The following MAPT variants were observed in gnomAD, a reference collection of about 807,000 sequenced individuals.
MAPT encodes the protein microtubule associated protein tau, also known as microtubule-associated protein tau.
MAPT carries 34 observed loss-of-function variants against 67.9 expected under a neutral mutation model. That is an observed-to-expected ratio of 0.50 (90% CI 0.38 to 0.67). MAPT has a LOEUF of 0.67. Among genes scored for constraint, MAPT ranks in the 30% least tolerant of loss-of-function variants. The pLI is 0.00. For synonymous variants in MAPT, 456 were observed against 464.5 expected, an observed-to-expected ratio of 0.98 and a Z score of 0.23; for missense variants, 881 against 1,115.2, an observed-to-expected ratio of 0.79 and a Z score of 2.99.
At chr17:45,984,376 TGCCGAAG>T (rs1305787007) in intron 5 of MAPT, among the ~76,000 whole-genome samples, 1 of 152,238 alleles carries the variant, frequency 6.6e-6, no homozygotes, top group African/African-American at 2.4e-5. Flanking sequence ...TACAGTAACT[TGCCGAAG>T]GCCAATGAGT....
Position 46,025,567 on chromosome 17 carries a change from T to C in MAPT, c.*1396T>C, listed in dbSNP as rs16940799. 0.14 allele frequency: 21,710 copies of C among 152,768 alleles called. 2,124 individuals are homozygous for C. The highest frequency in any genetic ancestry group is 0.22 in the Non-Finnish European group (14,733 of 68,050). 9.5% of individuals were successfully genotyped at this position (152,768 alleles called of 1,614,324 possible). A position where few individuals can be genotyped will look rare whatever the true frequency, so the allele number is the denominator to read the frequency against. On this transcript the variant is annotated 3_prime_UTR_variant, in exon 13 of 13. Transcript: ENST00000262410. ...ACTGGGACCCTCACCACGAATCTCA[T>C]GATCTGATTCGGTTCCCTGTCTCCT...
chr17:45,923,151 A>AG (rs2065921799), intron 1 of MAPT, among the ~76,000 whole-genome samples: 2 of 152,154 alleles, frequency 1.3e-5, no homozygotes, highest in Admixed American at 1.3e-4. Flanking sequence ...GTAAGGTGGC[A>AG]GGGGTAGGAC....
chr17:45,914,416 G>A (rs1038804256), intron 1 of MAPT, among the ~76,000 whole-genome samples: 2 of 152,254 alleles, frequency 1.3e-5, no homozygotes, highest in Admixed American at 6.5e-5. Flanking sequence ...GATGGAACTG[G>A]TGAAATAAGT....
intron 1 of MAPT, among the ~76,000 whole-genome samples, chr17:45,956,128 A>G (rs1250711785): frequency 6.6e-6 from 1 of 152,186 alleles, no homozygotes; most frequent in Non-Finnish European, 1.5e-5. Context: ...AGTGCTCATG[A>G]CCAGGCCCAG....
In MAPT at chr17:45,987,069, A is replaced by G. The variant is rs1413196716; in HGVS notation, c.1381A>G (p.Thr461Ala). 1.2e-6 allele frequency: 2 copies of G among 1,614,084 alleles called. No individual in the cohort carries two copies. The highest frequency in any genetic ancestry group is 1.7e-5 in the Admixed American group (1 of 60,018). ...CATGGTCAGTAAAAGCAAAGACGGG[A>G]CTGGAAGCGATGACAAAAAAGCCAA... Reference protein sequence around the residue: ...ARMVSKSKDGTGSDDKKAKTS... With the variant: ...ARMVSKSKDGAGSDDKKAKTS... The change falls in exon 6 of 13, where the codon ACT (threonine) becomes GCT (alanine). Residue 461 changes from threonine to alanine, a missense_variant. Physicochemically the swap from Thr to Ala is moderately conservative, Grantham distance 58 (BLOSUM62 0). Coordinates refer to ENST00000262410, the MANE Select transcript of MAPT (RefSeq NM_001377265.1).
chr17:45,982,189 G>A (rs2073039793), intron 4 of MAPT, among the ~76,000 whole-genome samples: 2 of 151,934 alleles, frequency 1.3e-5, no homozygotes. Context: ...AGGTGTGGTG[G>A]CACGTGCCTG....
intron 1 of MAPT, chr17:45,908,281 T>G (rs769646546): frequency 2.0e-5 from 3 of 152,216 alleles, no homozygotes; most frequent in Non-Finnish European, 2.9e-5. Flanking sequence ...CACACACACA[T>G]GCTTTCCGGA....
chr17:45,947,371 CTCTT>C lies in MAPT; in HGVS notation c.-17-14944_-17-14941del, dbSNP rs764254348. Among the ~76,000 whole-genome samples the C allele has an allele frequency of 5.6e-4, 84 of 150,592 alleles. No homozygotes were observed. In the East Asian group the frequency reaches 7.0e-3, roughly 13 times the overall value. ...AAGGGTGTTTATTAAGCCTCCTCAT[CTCTT>C]TCTTTTTCTTTTTTTTTTTTTTTTT... is the stretch of plus-strand genomic sequence containing the variant. On this transcript the variant is annotated intron_variant, in intron 1 of 12. Coordinates refer to ENST00000262410, the MANE Select transcript of MAPT (RefSeq NM_001377265.1).
At chr17:45,976,889 CCT>C (rs2072422354) in intron 3 of MAPT, 1 of 152,322 alleles carries the variant, frequency 6.6e-6, no homozygotes, top group Non-Finnish European at 1.5e-5. Context: ...CTCCTCACAC[CCT>C]CTGTCTCAAG....
chr17:45,974,460 A>G (rs1446561807), intron 3 of MAPT: 2 of 1,605,044 alleles, frequency 1.2e-6, no homozygotes, highest in Admixed American at 1.7e-5. Flanking sequence ...GAGATCCCAG[A>G]AGGAACCACA....
intron 1 of MAPT, among the ~76,000 whole-genome samples, chr17:45,912,218 G>A (rs1172664432): frequency 6.6e-6 from 1 of 152,322 alleles, no homozygotes; most frequent in Non-Finnish European, 1.5e-5. Context: ...TAGAATTTCA[G>A]ATAACAACAA....
intron 2 of MAPT, among the ~76,000 whole-genome samples, chr17:45,970,505 G>T (rs2071554116): frequency 6.6e-6 from 1 of 152,252 alleles, no homozygotes; most frequent in Non-Finnish European, 1.5e-5. Flanking sequence ...GGGAAGCCCA[G>T]GGCTGCCCCC....
chr17:45,968,676 C>T (rs1020779393), intron 2 of MAPT, among the ~76,000 whole-genome samples: 2 of 152,218 alleles, frequency 1.3e-5, no homozygotes, highest in African/African-American at 4.8e-5. Flanking sequence ...AGGGGCCCTC[C>T]AGGATTCCCA....
At chr17:45,913,184 A>T (rs145484103) in intron 1 of MAPT, among the ~76,000 whole-genome samples, 5,004 of 152,290 alleles carry the variant, frequency 0.033, 264 homozygotes, top group African/African-American at 0.11. Flanking sequence ...AAGCCTCACA[A>T]TCATGGCAGA....
intron 1 of MAPT, among the ~76,000 whole-genome samples, chr17:45,903,919 T>TA (rs1568132886): frequency 2.0e-3 from 41 of 20,142 alleles, no homozygotes; most frequent in African/African-American, 9.4e-3. Context: ...TATTATATAT[T>TA]TATATATATT....
At chr17:45,950,729 C>G (rs1166775379) in intron 1 of MAPT, among the ~76,000 whole-genome samples, 1 of 152,104 alleles carries the variant, frequency 6.6e-6, no homozygotes, top group Non-Finnish European at 1.5e-5. Flanking sequence ...GTGGCATGAT[C>G]TAGGCTCACT....
chr17:45,990,031 A>G lies in MAPT; in HGVS notation c.1561A>G (p.Thr521Ala), dbSNP rs1360318466. 1.2e-6 allele frequency: 2 copies of G among 1,613,988 alleles called. No individual in the cohort carries two copies. The highest frequency in any genetic ancestry group is 2.7e-5 in the African/African-American group (2 of 74,890). The change falls in exon 7 of 13, where the codon ACT (threonine) becomes GCT (alanine). Residue 521 changes from threonine to alanine, a missense_variant. Around this residue, in one of 6 missense-constraint regions of MAPT, gnomAD observed 687 missense variants for 766.1 expected, o/e 0.90. Coordinates refer to ENST00000262410, the MANE Select transcript of MAPT (RefSeq NM_001377265.1). ...CTCTCCTAAATACGTCTCTTCTGTC[A>G]CTTCCCGAACTGGCAGTTCTGGAGC... ...PSSPKYVSSV[T>A]SRTGSSGAKE...
Position 45,958,817 on chromosome 17 carries a change from C to T in MAPT, c.-17-3504C>T, listed in dbSNP as rs544628611. Among the ~76,000 whole-genome samples, 402 of 152,120 alleles carry T rather than the reference C, an allele frequency of 2.6e-3. 3 individuals are homozygous for T. Among genetic ancestry groups the T allele is most frequent in the African/African-American group, 9.0e-3 (373 of 41,490 alleles). Reference sequence around the variant, plus strand: ...GTGGCTCACACCTTTAATCCCAGCACTCTGGGAGGCTGAGGCAGGCAGATC... The same window carrying T: ...GTGGCTCACACCTTTAATCCCAGCATTCTGGGAGGCTGAGGCAGGCAGATC... On this transcript the variant is annotated intron_variant, in intron 1 of 12. Coordinates refer to ENST00000262410, the MANE Select transcript of MAPT (RefSeq NM_001377265.1).
In MAPT at chr17:46,026,206, C is replaced by T. The variant is rs2076800996; in HGVS notation, c.*2035C>T. The stretch of plus-strand genomic sequence containing the variant: ...GGGACTCGTGTGGCCTGTGTGGTGC[C>T]ACCCTGCTGGGGCCTCCCAAGTTTT... On this transcript the variant is annotated 3_prime_UTR_variant, in exon 13 of 13. Coordinates refer to ENST00000262410, the MANE Select transcript of MAPT (RefSeq NM_001377265.1). The T allele has an allele frequency of 6.5e-6, 1 of 152,692 alleles. No homozygotes were observed. The highest frequency in any genetic ancestry group is 2.1e-4 in the South Asian group (1 of 4,834). 9.5% of individuals were successfully genotyped at this position (152,692 alleles called of 1,614,324 possible).
Sources: allele counts gnomAD v4.1 joint callset (sites outside exome capture counted in the v4.1 genomes callset), GRCh38; gene constraint gnomAD v4.1.1; regional missense constraint gnomAD v4.1.1; transcripts MANE v1.5; gene names NCBI Gene and HGNC (gene_info 2026-07-23, HGNC 2026-07-21).